ABCA12: variants seen among roughly 807,000 people sequenced by gnomAD.
ABCA12 encodes the protein glucosylceramide transporter ABCA12.
A neutral mutation model predicts 293.5 loss-of-function variants in ABCA12; 156 were observed. The observed-to-expected ratio is 0.53, with a 90% CI of 0.47 to 0.61. The LOEUF (loss-of-function observed/expected upper bound fraction) is 0.61. Among genes scored for constraint, ABCA12 ranks in the 20% least tolerant of loss-of-function variants. The probability of loss-of-function intolerance (pLI) is 0.00; values close to 1 mark genes in which losing one functional copy is unlikely to be tolerated. For missense variants in ABCA12, 2,797 were observed against 3,090.2 expected, an observed-to-expected ratio of 0.91 and a Z score of 2.25; for synonymous variants, 1,063 against 1,108.0, an observed-to-expected ratio of 0.96 and a Z score of 0.81.
At chr2:214,961,387 C>G (rs982824477) in intron 39 of ABCA12, among the ~76,000 whole-genome samples, 1 of 152,042 alleles carries the variant, frequency 6.6e-6, no homozygotes, top group Non-Finnish European at 1.5e-5. Context: ...TCTTTATGCT[C>G]TGTAACTTAA....
chr2:215,119,697 TG>T (rs1433459368), intron 1 of ABCA12, among the ~76,000 whole-genome samples: 1 of 149,050 alleles, frequency 6.7e-6, no homozygotes, highest in Non-Finnish European at 1.5e-5. Flanking sequence ...CATGCTGTTT[TG>T]GCCTCACATG....
At chr2:215,003,541 T>C (rs183829778) in intron 20 of ABCA12, among the ~76,000 whole-genome samples, 62 of 152,294 alleles carry the variant, frequency 4.1e-4, no homozygotes, top group African/African-American at 1.3e-3. Flanking sequence ...ATAAATAATT[T>C]CATTTTCCCT....
At chr2:215,021,088 A>G (rs1700621825) in intron 11 of ABCA12, among the ~76,000 whole-genome samples, 1 of 152,204 alleles carries the variant, frequency 6.6e-6, no homozygotes, top group African/African-American at 2.4e-5. Flanking sequence ...GGCTGAAGCC[A>G]TCTGCCGGCC....
intron 36 of ABCA12, among the ~76,000 whole-genome samples, chr2:214,972,813 T>C (rs1218900328): frequency 1.3e-5 from 2 of 151,778 alleles, no homozygotes; most frequent in Admixed American, 6.6e-5. Context: ...GTTAGCTAAA[T>C]TAGATAAAGG....
chr2:215,038,938 C>T (rs1278136485), intron 7 of ABCA12: 2 of 152,152 alleles, frequency 1.3e-5, no homozygotes, highest in Non-Finnish European at 2.9e-5. Flanking sequence ...TATTTTACTT[C>T]ATAGATTATT....
At chr2:215,019,856 A>G (rs1255674419) in intron 11 of ABCA12, 60 bp from the exon 12 acceptor site, 2 of 1,577,830 alleles carry the variant, frequency 1.3e-6, no homozygotes, top group Non-Finnish European at 1.7e-6. Flanking sequence ...CATATATAGT[A>G]GTTGATAATA....
At position 215,049,766 on chromosome 2, in the gene ABCA12, ATAGTTC is replaced by A; in HGVS notation, c.547_552del (p.Glu183_Leu184del). ...ACAATGTATCCTGAATAGCTGTCACATAGTTCTCTTCGTATATCTTCTGAAGTTGAA... is the reference window on the plus strand; with the variant it reads ...ACAATGTATCCTGAATAGCTGTCACATCTTCGTATATCTTCTGAAGTTGAA... On this transcript the variant is annotated inframe_deletion, in exon 6 of 53. Transcript: ENST00000272895. 1.2e-6 allele frequency: 2 copies of A among 1,613,630 alleles called. No individual in the cohort carries two copies. The highest frequency in any genetic ancestry group is 1.7e-6 in the Non-Finnish European group (2 of 1,179,756).
chr2:215,036,864 C>G, intron 8 of ABCA12, 89 bp downstream of exon 8: 2 of 1,136,810 alleles, frequency 1.8e-6, no homozygotes, highest in South Asian at 1.2e-5. Context: ...AATATCATCT[C>G]TACATGATTA....
rs1703037133 is a variant in ABCA12, at chr2:215,130,842, CT to C, written c.69+7297del. Among the ~76,000 whole-genome samples the C allele has an allele frequency of 2.0e-5, 3 of 152,102 alleles. No individual in the cohort carries two copies. In the South Asian group the frequency reaches 6.2e-4, roughly 32 times the overall value. ...CCAATTCTTAGGGGAAATGTTTCAA[CT>C]TTTCCCCATTCAGCGTGATGTTGGC... On this transcript the variant is annotated intron_variant, in intron 1 of 52. Transcript: ENST00000272895.
intron 3 of ABCA12, 152 bp downstream of exon 3, chr2:215,063,914 A>G: frequency 2.1e-6 from 2 of 938,680 alleles, no homozygotes; most frequent in Non-Finnish European, 3.4e-6. Flanking sequence ...TCCAGTTTAT[A>G]CCTACTTTGT....
chr2:215,132,074 A>G (rs961442377), intron 1 of ABCA12, among the ~76,000 whole-genome samples: 2 of 151,862 alleles, frequency 1.3e-5, no homozygotes, highest in Admixed American at 6.6e-5. Flanking sequence ...TTGATTTCCA[A>G]TCTTACTCCA....
rs1085308032 is a variant in ABCA12 at position 214,947,489 on chromosome 2, C to T, written c.7172G>A (p.Ser2391Asn). The change falls in exon 48 of 53, where the codon AGT becomes AAT. Residue 2391 changes from serine (S) to asparagine (N), a missense_variant. Transcript: ENST00000272895. ...PFKDRATSMCSYGTKRKLSTA... is the reference protein window; with the variant it reads ...PFKDRATSMCNYGTKRKLSTA... ...GGATAATTTTCTTTTTGTGCCATAA[C>T]TGCACATAGAGGTAGCTCTGTCCTT... is the stretch of plus-strand genomic sequence containing the variant. 5.0e-6 allele frequency: 8 copies of T among 1,613,956 alleles called. No homozygotes were observed. Among genetic ancestry groups the T allele is most frequent in the Non-Finnish European group, 6.8e-6 (8 of 1,179,904 alleles).
In ABCA12 at chr2:215,037,050, C is replaced by T. The variant is rs17501837; in HGVS notation, c.888G>A (p.Val296=). 0.21 allele frequency: 334,939 copies of T among 1,612,510 alleles called. 37,283 individuals are homozygous for T. The highest frequency in any genetic ancestry group is 0.44 in the East Asian group (19,613 of 44,812). The change falls in exon 8 of 53, where the codon GTG becomes GTA. Residue 296 remains valine, a synonymous_variant. Transcript: ENST00000272895. ...TTGCAAAACGTGGATAAACCTTCTG[C>T]ACAACCAGCAGCACACTAAGGAGTC... ...LRKANSVLLV[V]QKVYPRFATN... is the part of the protein sequence containing the mutation.
intron 1 of ABCA12, among the ~76,000 whole-genome samples, chr2:215,133,396 C>T (rs1166512822): frequency 6.6e-6 from 1 of 151,680 alleles, no homozygotes; most frequent in African/African-American, 2.4e-5. Flanking sequence ...ATCAAGAATT[C>T]CAATAATGTG....
chr2:214,986,516 C>CA, intron 28 of ABCA12, 26 bp downstream of exon 28: 6 of 1,606,170 alleles, frequency 3.7e-6, no homozygotes, highest in Non-Finnish European at 5.1e-6. Flanking sequence ...GCTTCCATGG[C>CA]AATAAATGTC....
At chr2:215,128,133 C>T (rs1161038249) in intron 1 of ABCA12, among the ~76,000 whole-genome samples, 1 of 152,174 alleles carries the variant, frequency 6.6e-6, no homozygotes, top group African/African-American at 2.4e-5. Flanking sequence ...GCCTCAATCT[C>T]TTCTAGCTTG....
intron 3 of ABCA12, among the ~76,000 whole-genome samples, chr2:215,056,518 G>A (rs1370845954): frequency 1.3e-5 from 2 of 151,984 alleles, no homozygotes; most frequent in Admixed American, 1.3e-4. Context: ...TAGCCTTAAT[G>A]TGTCTTTTTT....
intron 2 of ABCA12, among the ~76,000 whole-genome samples, chr2:215,089,225 TCA>T (rs1389790919): frequency 6.6e-6 from 1 of 151,906 alleles, no homozygotes; most frequent in East Asian, 1.9e-4. Flanking sequence ...TTATTTATGC[TCA>T]GTTTCCATAT....
At chr2:215,039,991 T>C (rs1270799399) in intron 7 of ABCA12, among the ~76,000 whole-genome samples, 1 of 152,184 alleles carries the variant, frequency 6.6e-6, no homozygotes, top group African/African-American at 2.4e-5. Flanking sequence ...TTAGATTTCA[T>C]TAAATTTACG....
Sources: gnomAD v4.1 joint callset for allele counts (sites outside exome capture counted in the v4.1 genomes callset) on GRCh38, gnomAD v4.1.1 for gene constraint, MANE v1.5 for transcripts, NCBI Gene and HGNC (gene_info 2026-07-23, HGNC 2026-07-21) for gene names.